Variants in ANK2 observed in about 807,000 individuals in gnomAD.
The protein encoded by ANK2 is ankyrin-2.
In ANK2, 83 loss-of-function variants were observed where a neutral mutation model predicts 360.5. That is an observed-to-expected ratio of 0.23 (90% CI 0.19 to 0.28). The LOEUF (loss-of-function observed/expected upper bound fraction) is 0.28, where lower values mean the gene tolerates loss of function less well. ANK2 is among the 10% of genes least tolerant of loss of function. The pLI is 1.00. For synonymous variants in ANK2, 1,740 were observed against 1,759.5 expected (o/e 0.99, Z 0.28); for missense variants, 4,201 against 4,795.7 (o/e 0.88, Z 3.66).
At chr4:112,902,545 A>G (rs1206061827) in intron 1 of ANK2, among the ~76,000 whole-genome samples, 2 of 152,186 alleles carry the variant, frequency 1.3e-5, no homozygotes, top group Non-Finnish European at 2.9e-5. Flanking sequence ...CCTGGAGGCT[A>G]TGTTCTTCTT....
rs186989496 is a variant in ANK2, at chr4:113,142,520, A to C, written c.85-31896A>C. On this transcript the variant is annotated intron_variant, in intron 1 of 45. Transcript: ENST00000357077. ...AAATCTGTTCAGCCAGAAAATAGGA[A>C]ATTTCAGCCATCACAGTAGCACCAG... is the stretch of plus-strand genomic sequence containing the variant. 1.4e-3 allele frequency among the ~76,000 whole-genome samples: 212 copies of C among 152,208 alleles called. 5 individuals carry two copies. Among genetic ancestry groups the C allele is most frequent in the Non-Finnish European group, 2.8e-4 (19 of 68,012 alleles).
At chr4:113,031,602 T>G (rs1008210078) in intron 2 of ANK2, 1 of 142,534 alleles carries the variant, frequency 7.0e-6, no homozygotes, top group African/African-American at 2.5e-5. Flanking sequence ...CTTGTTTGAC[T>G]TGATGACTTA....
chr4:112,721,596 C>T, the ANK2 span, among the ~76,000 whole-genome samples: 1 of 146,670 alleles, frequency 6.8e-6, no homozygotes, highest in South Asian at 2.2e-4. Context: ...GACTTAGGCA[C>T]TGTCTCTACA....
chr4:112,912,048 G>A (rs1432504464), intron 2 of ANK2, among the ~76,000 whole-genome samples: 3 of 151,856 alleles, frequency 2.0e-5, no homozygotes, highest in African/African-American at 7.3e-5. Flanking sequence ...GTGGTGGCGG[G>A]CGCCTGTAGT....
chr4:113,064,517 C>T (rs1254435544), intron 1 of ANK2, among the ~76,000 whole-genome samples: 1 of 152,150 alleles, frequency 6.6e-6, no homozygotes, highest in Non-Finnish European at 1.5e-5. Context: ...TGACAGAAAT[C>T]CCCTTCCCTC....
chr4:113,174,137 G>A, intron 1 of ANK2: 2 of 352,824 alleles, frequency 5.7e-6, no homozygotes, highest in Admixed American at 7.9e-5. Context: ...TTCAATTGTG[G>A]CTGAAGATTT....
the ANK2 span, among the ~76,000 whole-genome samples, chr4:112,749,056 C>T: frequency 1.3e-5 from 2 of 152,132 alleles, no homozygotes; most frequent in Admixed American, 6.5e-5. Flanking sequence ...TGTGCCACCA[C>T]GCCCATCTGA....
At chr4:112,811,726 T>G in the ANK2 span, among the ~76,000 whole-genome samples, 1 of 152,194 alleles carries the variant, frequency 6.6e-6, no homozygotes, top group Non-Finnish European at 1.5e-5. Context: ...ATTGTTAGTG[T>G]TTTTGCTTTC....
At chr4:113,254,237 TA>T (rs1199552420) in intron 10 of ANK2, among the ~76,000 whole-genome samples, 1 of 152,180 alleles carries the variant, frequency 6.6e-6, no homozygotes, top group Non-Finnish European at 1.5e-5. Flanking sequence ...CTTTAATTCT[TA>T]TTGTTTTTAA....
At chr4:113,378,365 T>C (rs2097036202) in intron 45 of ANK2, among the ~76,000 whole-genome samples, 1 of 152,216 alleles carries the variant, frequency 6.6e-6, no homozygotes, top group Admixed American at 6.5e-5. Context: ...AAGTATCCTC[T>C]TGATACTTCA....
rs927218158 is a variant in ANK2 at position 113,338,887 on chromosome 4, G to A, written c.3797-339G>A. On this transcript the variant is annotated intron_variant, in intron 31 of 45. Transcript: ENST00000357077. ...TTTAACAAACTGTTCAGCTCCTTAGGTGGTCAAAGGATATTTAAAAATAAT... is the reference window on the plus strand; with the variant it reads ...TTTAACAAACTGTTCAGCTCCTTAGATGGTCAAAGGATATTTAAAAATAAT... Among the ~76,000 whole-genome samples the A allele has an allele frequency of 2.6e-5, 4 of 152,094 alleles. 1 individual carries two copies. The highest frequency in any genetic ancestry group is 3.4e-3 in the Middle Eastern group (1 of 294).
chr4:112,966,970 G>C, intron 2 of ANK2, among the ~76,000 whole-genome samples: 1 of 152,160 alleles, frequency 6.6e-6, no homozygotes, highest in East Asian at 1.9e-4. Context: ...CAAATTGCTG[G>C]TTCCTTTGGT....
intron 1 of ANK2, among the ~76,000 whole-genome samples, chr4:113,161,432 GCTAT>G (rs1323611442): frequency 2.6e-5 from 4 of 152,136 alleles, no homozygotes; most frequent in Non-Finnish European, 4.4e-5. Flanking sequence ...TTCAGCCAAT[GCTAT>G]CTTTTACATT....
intron 41 of ANK2, among the ~76,000 whole-genome samples, chr4:113,365,735 A>C (rs2096502129): frequency 6.7e-6 from 1 of 150,192 alleles, no homozygotes; most frequent in African/African-American, 2.5e-5. Context: ...AACCTCCAAC[A>C]CTGTCTCTTT....
chr4:113,122,374 C>T (rs927755598), intron 1 of ANK2, among the ~76,000 whole-genome samples: 1 of 152,074 alleles, frequency 6.6e-6, no homozygotes, highest in African/African-American at 2.4e-5. Context: ...GATGTCTGGA[C>T]ACCAAACCAA....
the ANK2 span, chr4:112,797,743 A>G: frequency 5.7e-6 from 1 of 174,496 alleles, no homozygotes; most frequent in African/African-American, 2.4e-5. Flanking sequence ...CTATATACTC[A>G]CGGACAACTT....
chr4:112,833,694 G>A (rs1467795498), intron 1 of ANK2, among the ~76,000 whole-genome samples: 3 of 152,016 alleles, frequency 2.0e-5, no homozygotes, highest in African/African-American at 7.2e-5. Context: ...TAGTAGAGAC[G>A]GGGTTTCACC....
chr4:113,210,833 G>A (rs932486062), intron 4 of ANK2, among the ~76,000 whole-genome samples: 5 of 152,152 alleles, frequency 3.3e-5, no homozygotes, highest in Non-Finnish European at 5.9e-5. Flanking sequence ...TTTGTGGGAA[G>A]CACGAGATCA....
chr4:113,132,511 G>T (rs566629554), intron 1 of ANK2, among the ~76,000 whole-genome samples: 7 of 152,236 alleles, frequency 4.6e-5, no homozygotes, highest in Non-Finnish European at 1.0e-4. Flanking sequence ...TTAAGGTATA[G>T]AATCATTCCA....
Sources: allele counts gnomAD v4.1 joint callset (sites outside exome capture counted in the v4.1 genomes callset), GRCh38; gene constraint gnomAD v4.1.1; transcripts MANE v1.5; gene names NCBI Gene and HGNC (gene_info 2026-07-23, HGNC 2026-07-21).